TCERG1L: variants seen among roughly 807,000 people sequenced by gnomAD.
TCERG1L encodes the protein transcription elongation regulator 1 like, also known as transcription elongation regulator 1-like protein.
TCERG1L carries 37 observed loss-of-function variants against 56.3 expected under a neutral mutation model. The ratio of observed to expected loss-of-function variants is 0.66; its 90% CI spans 0.51 to 0.87. TCERG1L has a LOEUF of 0.87. TCERG1L is among the 40% of genes least tolerant of loss of function. The pLI is 0.00. For missense variants in TCERG1L, 799 were observed against 774.2 expected (o/e 1.03, Z -0.38); for synonymous variants, 324 against 326.3 (o/e 0.99, Z 0.08).
rs182176559 is a variant in TCERG1L, at chr10:131,223,726, T to A, written c.856+36533A>T. 1.7e-3 allele frequency among the ~76,000 whole-genome samples: 264 copies of A among 151,544 alleles called. 1 individual carries two copies. The highest frequency in any genetic ancestry group is 3.2e-3 in the Non-Finnish European group (215 of 67,886). On this transcript the variant is annotated intron_variant, in intron 4 of 11. Coordinates refer to ENST00000368642, the MANE Select transcript of TCERG1L (RefSeq NM_174937.4). ...CACACATGCTCACACACAGACATGCTCACACCCCAGAAGCCTCTGGGGTCC... is the reference window on the plus strand; with the variant it reads ...CACACATGCTCACACACAGACATGCACACACCCCAGAAGCCTCTGGGGTCC...
intron 4 of TCERG1L, among the ~76,000 whole-genome samples, chr10:131,218,145 C>T (rs1223590563): frequency 2.6e-5 from 4 of 152,196 alleles, no homozygotes; most frequent in Non-Finnish European, 4.4e-5. Flanking sequence ...TGTGTCCCTT[C>T]CTGTTCTCAT....
chr10:131,278,691 C>T (rs938370260), intron 3 of TCERG1L, among the ~76,000 whole-genome samples: 3 of 152,308 alleles, frequency 2.0e-5, no homozygotes, highest in South Asian at 4.1e-4. Flanking sequence ...TTCCCTGCCG[C>T]GGAGTCACTT....
At chr10:131,195,270 C>T (rs1038427198) in intron 4 of TCERG1L, among the ~76,000 whole-genome samples, 19 of 152,290 alleles carry the variant, frequency 1.2e-4, no homozygotes, top group Admixed American at 9.8e-4. Flanking sequence ...CCATACCTGG[C>T]CGGTGGGTGT....
chr10:131,241,805 GAATT>G (rs1312919190), intron 4 of TCERG1L, among the ~76,000 whole-genome samples: 5 of 152,008 alleles, frequency 3.3e-5, no homozygotes, highest in South Asian at 2.1e-4. Context: ...GGTTTCCACA[GAATT>G]AATATTTTAA....
At chr10:131,177,091 CAG>C (rs796093267) in intron 4 of TCERG1L, among the ~76,000 whole-genome samples, 3 of 101,750 alleles carry the variant, frequency 2.9e-5, no homozygotes, top group Admixed American at 8.4e-5. Flanking sequence ...CACGTACTCA[CAG>C]ACACATGCAC....
intron 3 of TCERG1L, among the ~76,000 whole-genome samples, chr10:131,288,619 G>A (rs1291119954): frequency 6.6e-6 from 1 of 152,134 alleles, no homozygotes; most frequent in Non-Finnish European, 1.5e-5. Context: ...CCTCGGAACG[G>A]GCCCTTACTT....
chr10:131,261,741 G>A (rs1425357787), intron 3 of TCERG1L, among the ~76,000 whole-genome samples: 2 of 152,212 alleles, frequency 1.3e-5, no homozygotes, highest in South Asian at 2.1e-4. Flanking sequence ...TTCCTCCCAG[G>A]TAGGGAAGAG....
intron 4 of TCERG1L, among the ~76,000 whole-genome samples, chr10:131,224,014 G>C (rs889623282): frequency 1.3e-5 from 2 of 151,944 alleles, no homozygotes; most frequent in Admixed American, 6.6e-5. Flanking sequence ...CATCCCACCA[G>C]AGCTCCACCC....
intron 4 of TCERG1L, among the ~76,000 whole-genome samples, chr10:131,198,505 A>G (rs563433404): frequency 6.6e-6 from 1 of 152,372 alleles, no homozygotes; most frequent in East Asian, 1.9e-4. Context: ...AGTAATTTAT[A>G]AAGAGCAGAA....
At chr10:131,182,953 A>G (rs1845197127) in intron 4 of TCERG1L, among the ~76,000 whole-genome samples, 1 of 152,152 alleles carries the variant, frequency 6.6e-6, no homozygotes, top group African/African-American at 2.4e-5. Context: ...CAGGCTTGGG[A>G]TTGCTGGTTG....
chr10:131,113,274 G>A (rs1165529355), intron 9 of TCERG1L, among the ~76,000 whole-genome samples: 1 of 142,396 alleles, frequency 7.0e-6, no homozygotes, highest in Non-Finnish European at 1.6e-5. Flanking sequence ...AGCGGGCAGT[G>A]CCAACTCCCC....
chr10:131,212,484 C>T (rs1845629450), intron 4 of TCERG1L, among the ~76,000 whole-genome samples: 1 of 152,188 alleles, frequency 6.6e-6, no homozygotes, highest in Non-Finnish European at 1.5e-5. Flanking sequence ...TTCATCTATG[C>T]TTGGCATCTG....
In TCERG1L at chr10:131,260,379, C is replaced by T. The variant is rs557402004; in HGVS notation, c.736G>A (p.Ala246Thr). The change falls in exon 4 of 12, where the codon GCT becomes ACT. Residue 246 changes from alanine to threonine, a missense_variant. Ala to Thr is a moderately conservative substitution (Grantham distance 58). Transcript: ENST00000368642. The surrounding 1 kb of genome is among the most constrained non-coding windows in gnomAD (Gnocchi z 5.8). Reference protein sequence around the residue: ...PAIAIATAAAAAMVSVDPENL... With the variant: ...PAIAIATAAATAMVSVDPENL... ...TCAGGGTCCACGGAGACCATGGCAG[C>T]GGCGGCGGCGGTGGCGATGGCAATG... The T allele has an allele frequency of 1.9e-5, 28 of 1,486,122 alleles. No individual in the cohort carries two copies. Among genetic ancestry groups the T allele is most frequent in the Middle Eastern group, 3.6e-4 (2 of 5,576 alleles). 92.1% of individuals were successfully genotyped at this position (1,486,122 alleles called of 1,614,324 possible). A position where few individuals can be genotyped will look rare whatever the true frequency, so the allele number is the denominator to read the frequency against.
chr10:131,219,254 T>C (rs1201495084), intron 4 of TCERG1L, among the ~76,000 whole-genome samples: 2 of 152,170 alleles, frequency 1.3e-5, no homozygotes, highest in Non-Finnish European at 2.9e-5. Flanking sequence ...CACAGGCCAA[T>C]TCGGGAGCCT....
chr10:131,263,376 G>T (rs562540546), intron 3 of TCERG1L, among the ~76,000 whole-genome samples: 1 of 152,180 alleles, frequency 6.6e-6, no homozygotes, highest in African/African-American at 2.4e-5. Flanking sequence ...GGATAAAAAG[G>T]CCCCTCCTGA....
chr10:131,200,792 G>T (rs539671469), intron 4 of TCERG1L, among the ~76,000 whole-genome samples: 130 of 152,322 alleles, frequency 8.5e-4, no homozygotes, highest in African/African-American at 3.1e-3. Flanking sequence ...AATTGAATAT[G>T]TCCCCTCTAA....
At chr10:131,194,002 C>G (rs563367974) in intron 4 of TCERG1L, among the ~76,000 whole-genome samples, 1 of 152,344 alleles carries the variant, frequency 6.6e-6, no homozygotes, top group East Asian at 1.9e-4. Context: ...CTTTGAGATT[C>G]TGATAATGTT....
chr10:131,254,843 G>C (rs1300366208), intron 4 of TCERG1L, among the ~76,000 whole-genome samples: 1 of 152,216 alleles, frequency 6.6e-6, no homozygotes, highest in Non-Finnish European at 1.5e-5. Flanking sequence ...GACCACAGGA[G>C]AAACAAGTGT....
rs566989779 is a variant in TCERG1L, at chr10:131,222,850, A to G, written c.856+37409T>C. Among the ~76,000 whole-genome samples the G allele has an allele frequency of 2.6e-5, 4 of 152,258 alleles. No homozygotes were observed. In the South Asian group the frequency reaches 8.3e-4, roughly 32 times the overall value. The stretch of plus-strand genomic sequence containing the variant: ...ATGAGAGAAGGCTGGGGCCTCTCCC[A>G]GCCCCAGCTGCCTTCCAATTGGTCA... On this transcript the variant is annotated intron_variant, in intron 4 of 11. Coordinates refer to ENST00000368642, the MANE Select transcript of TCERG1L (RefSeq NM_174937.4).
Sources: allele counts gnomAD v4.1 joint callset (sites outside exome capture counted in the v4.1 genomes callset), GRCh38; gene constraint gnomAD v4.1.1; non-coding constraint Gnocchi (gnomAD v3.1); transcripts MANE v1.5; gene names NCBI Gene and HGNC (gene_info 2026-07-23, HGNC 2026-07-21).